KBTBD12: variants seen among roughly 807,000 people sequenced by gnomAD.
KBTBD12 encodes kelch repeat and BTB domain containing 12.
In KBTBD12, 53 loss-of-function variants were observed where a neutral mutation model predicts 58.7. That is an observed-to-expected ratio of 0.90 (90% CI 0.72 to 1.14). KBTBD12 has a LOEUF of 1.14. KBTBD12 is among the 50% of genes most tolerant of loss of function. The pLI, the probability that KBTBD12 is intolerant of heterozygous loss-of-function variation, is 0.00. For synonymous variants in KBTBD12, 236 were observed against 259.8 expected, an observed-to-expected ratio of 0.91 and a Z score of 0.88; for missense variants, 704 against 751.3, an observed-to-expected ratio of 0.94 and a Z score of 0.74.
At chr3:127,965,017 C>T (rs577482128) in intron 5 of KBTBD12, among the ~76,000 whole-genome samples, 20 of 152,288 alleles carry the variant, frequency 1.3e-4, no homozygotes, top group African/African-American at 4.1e-4. Context: ...TGGTGCTGTG[C>T]CCACTCATGC....
chr3:127,930,792 A>G (rs1390642925), intron 4 of KBTBD12, among the ~76,000 whole-genome samples: 1 of 152,176 alleles, frequency 6.6e-6, no homozygotes, highest in Non-Finnish European at 1.5e-5. Flanking sequence ...TGTACTTCTT[A>G]TATGTATGGT....
intron 4 of KBTBD12, among the ~76,000 whole-genome samples, chr3:127,958,534 G>A (rs867147712): frequency 1.3e-5 from 2 of 152,176 alleles, no homozygotes; most frequent in South Asian, 2.1e-4. Context: ...ACAAAAGCCC[G>A]GGTATCACTC....
rs779783007 is a variant in KBTBD12 at position 127,963,347 on chromosome 3, G to A, written c.1651G>A (p.Asp551Asn). ...RTNSTNAGAVDGKLYVCGGFH... is the reference protein window; with the variant it reads ...RTNSTNAGAVNGKLYVCGGFH... ...CAATTCCACCAATGCAGGGGCAGTG[G>A]ATGGGAAACTCTATGTCTGCGGGGG... Residue 551 changes from aspartate (D) to asparagine (N), a missense_variant, in exon 5 of 6, where the codon GAT becomes AAT. By Grantham distance (23) the Asp-to-Asn change is conservative. Transcript: ENST00000405109. 3.7e-6 allele frequency: 6 copies of A among 1,612,254 alleles called. No homozygotes were observed. The highest frequency in any genetic ancestry group is 1.7e-4 in the Middle Eastern group (1 of 6,060).
intron 4 of KBTBD12, among the ~76,000 whole-genome samples, chr3:127,939,903 A>G (rs1165815902): frequency 6.6e-6 from 1 of 152,186 alleles, no homozygotes; most frequent in African/African-American, 2.4e-5. Context: ...TTTAAGAGTA[A>G]AAGGCTGGAA....
chr3:127,922,426 AG>A (rs1939433561), intron 1 of KBTBD12, among the ~76,000 whole-genome samples: 1 of 152,158 alleles, frequency 6.6e-6, no homozygotes, highest in African/African-American at 2.4e-5. Flanking sequence ...CCCACATCAA[AG>A]TTTGAGCAGA....
chr3:127,964,645 A>G, intron 5 of KBTBD12, among the ~76,000 whole-genome samples: 1 of 150,330 alleles, frequency 6.7e-6, no homozygotes, highest in African/African-American at 2.4e-5. Context: ...CATCTCAAAA[A>G]AAAAAAAAAA....
chr3:127,920,089 C>G (rs1369800099), intron 1 of KBTBD12, among the ~76,000 whole-genome samples: 1 of 152,056 alleles, frequency 6.6e-6, no homozygotes, highest in African/African-American at 2.4e-5. Context: ...TTATAATTAC[C>G]CTTCATGTCT....
rs1940274749 is a variant in KBTBD12, at chr3:127,954,386, A to G, written c.1493-8803A>G. Among the ~76,000 whole-genome samples the G allele has an allele frequency of 2.6e-5, 4 of 152,188 alleles. 1 individual carries two copies. In the South Asian group the frequency reaches 8.3e-4, roughly 31 times the overall value. On this transcript the variant is annotated intron_variant, in intron 4 of 5. Transcript: ENST00000405109. ...ACATTCTGGGTTCAACCTCACTGAA[A>G]TCTCATTATGAGTCCTTGGTGAATG...
chr3:127,985,020 A>G lies in KBTBD12; in HGVS notation c.*742A>G, dbSNP rs1393752949. 6.6e-6 allele frequency: 1 copy of G among 152,400 alleles called. No individual in the cohort carries two copies. Among genetic ancestry groups the G allele is most frequent in the Non-Finnish European group, 1.5e-5 (1 of 68,174 alleles). 9.4% of individuals were successfully genotyped at this position (152,400 alleles called of 1,614,324 possible). On this transcript the variant is annotated 3_prime_UTR_variant, in exon 6 of 6. Transcript: ENST00000405109. ...CACTCAAGCCAGACCACAGTGGCCA[A>G]GAATCCTGCCCTGGGCTGACTCTGT...
chr3:127,949,073 C>G (rs1169474072), intron 4 of KBTBD12, among the ~76,000 whole-genome samples: 1 of 152,114 alleles, frequency 6.6e-6, no homozygotes, highest in Non-Finnish European at 1.5e-5. Flanking sequence ...ATAGGTTAAC[C>G]TCAAGAAAGC....
chr3:127,947,730 T>C (rs1940114252), intron 4 of KBTBD12, among the ~76,000 whole-genome samples: 1 of 152,152 alleles, frequency 6.6e-6, no homozygotes, highest in Non-Finnish European at 1.5e-5. Context: ...TACCAATCTG[T>C]CACAACAGCC....
rs1378969972 is a variant in KBTBD12 at position 127,927,925 on chromosome 3, T to C, written c.1232T>C (p.Val411Ala). 2 of 1,613,484 alleles carry C rather than the reference T, an allele frequency of 1.2e-6. No homozygotes were observed. The highest frequency in any genetic ancestry group is 1.7e-6 in the Non-Finnish European group (2 of 1,179,632). The part of the protein sequence containing the change: ...LITNCVDKYS[V>A]ERDNWKRVSP... ...ACAAACTGTGTTGATAAGTACTCTG[T>C]AGAACGGGACAATTGGAAAAGGGTG... is the stretch of plus-strand genomic sequence containing the variant. Residue 411 changes from valine to alanine, a missense_variant, in exon 3 of 6, where the codon GTA (valine) becomes GCA (alanine). Physicochemically the swap from Val to Ala is moderately conservative, Grantham distance 64. Coordinates refer to ENST00000405109, the MANE Select transcript of KBTBD12 (RefSeq NM_207335.4).
intron 1 of KBTBD12, among the ~76,000 whole-genome samples, chr3:127,922,066 A>T (rs1365475970): frequency 7.2e-5 from 11 of 152,150 alleles, no homozygotes; most frequent in Admixed American, 7.2e-4. Flanking sequence ...TGACTCTAGG[A>T]ATGTCCTTCT....
chr3:127,929,334 C>T (rs1024967707), intron 3 of KBTBD12, among the ~76,000 whole-genome samples: 28 of 152,140 alleles, frequency 1.8e-4, no homozygotes, highest in Non-Finnish European at 7.4e-5. Flanking sequence ...AAATTAATTG[C>T]ATAAACTTTC....
intron 4 of KBTBD12, among the ~76,000 whole-genome samples, chr3:127,945,346 G>A (rs1388287100): frequency 1.2e-4 from 18 of 151,098 alleles, no homozygotes; most frequent in Non-Finnish European, 5.9e-5. Context: ...CACAATGCCC[G>A]GCTAATTTTT....
At chr3:127,939,858 C>T (rs1939914720) in intron 4 of KBTBD12, among the ~76,000 whole-genome samples, 1 of 152,086 alleles carries the variant, frequency 6.6e-6, no homozygotes. Flanking sequence ...ATTCTGTGTA[C>T]ATGAAACCCA....
intron 5 of KBTBD12, among the ~76,000 whole-genome samples, chr3:127,978,135 G>A (rs1045192194): frequency 1.3e-5 from 2 of 152,160 alleles, no homozygotes; most frequent in Non-Finnish European, 2.9e-5. Flanking sequence ...TCAGATGGTT[G>A]TAGGTGTGCA....
chr3:127,960,290 AAAG>A (rs1940409807), intron 4 of KBTBD12, among the ~76,000 whole-genome samples: 1 of 152,198 alleles, frequency 6.6e-6, no homozygotes, highest in Non-Finnish European at 1.5e-5. Flanking sequence ...TAGAAATGAT[AAAG>A]AAGAGAGGCA....
rs762975215 is a variant in KBTBD12, at chr3:127,923,330, A to T, written c.269A>T (p.Tyr90Phe). 1.9e-6 allele frequency: 3 copies of T among 1,613,858 alleles called. No homozygotes were observed. In the South Asian group the frequency reaches 3.3e-5, roughly 18 times the overall value. The change falls in exon 2 of 6, where the codon TAC becomes TTC. Residue 90 changes from tyrosine (Y) to phenylalanine (F), a missense_variant. Tyr to Phe is a conservative substitution (Grantham distance 22). Coordinates refer to ENST00000405109, the MANE Select transcript of KBTBD12 (RefSeq NM_207335.4). ...GTGTCGGTGTTATTAAATTACATGT[A>T]CAATGCAGCTTTGGAGATCAATAAT... ...ESVSVLLNYM[Y>F]NAALEINNAN...
Sources: allele counts gnomAD v4.1 joint callset (sites outside exome capture counted in the v4.1 genomes callset), GRCh38; gene constraint gnomAD v4.1.1; transcripts MANE v1.5; gene names NCBI Gene and HGNC (gene_info 2026-07-23, HGNC 2026-07-21).